Variants in SPATA2L observed in about 807,000 individuals in gnomAD.
SPATA2L encodes spermatogenesis associated 2 like, also known as spermatogenesis-associated protein 2-like protein.
A neutral mutation model predicts 8.7 loss-of-function variants in SPATA2L; 5 were observed. The ratio of observed to expected loss-of-function variants is 0.57; its 90% CI spans 0.30 to 1.21. SPATA2L has a LOEUF of 1.21. SPATA2L is among the 50% of genes most tolerant of loss of function. SPATA2L has a pLI of 0.07. For synonymous variants in SPATA2L, 358 were observed against 275.8 expected, an observed-to-expected ratio of 1.30 and a Z score of -2.95; for missense variants, 671 against 591.0, an observed-to-expected ratio of 1.14 and a Z score of -1.40.
Position 89,696,684 on chromosome 16 carries a change from C to T in SPATA2L, c.*650G>A, listed in dbSNP as rs2060728401. ...GCCCAGCAGCAGTGACGCTCAGGGC[C>T]TTCCCAGCTGTCAGCCACTGCCCGT... On this transcript the variant is annotated 3_prime_UTR_variant, in exon 3 of 3. Transcript: ENST00000289805. 8.2e-7 allele frequency: 1 copy of T among 1,212,706 alleles called. No homozygotes were observed. The highest frequency in any genetic ancestry group is 1.1e-6 in the Non-Finnish European group (1 of 876,186). The allele number at this position is 1,212,706 out of a possible 1,614,324, so 75.1% of individuals were successfully genotyped here.
chr16:89,697,825 G>C lies in SPATA2L; in HGVS notation c.784C>G (p.Pro262Ala). 1 of 1,605,624 alleles carries C rather than the reference G, an allele frequency of 6.2e-7. No individual in the cohort carries two copies. The highest frequency in any genetic ancestry group is 8.5e-7 in the Non-Finnish European group (1 of 1,177,156). ...SPPAELAYRP[P>A]LWEQSAKLWG... Reference sequence around the variant, plus strand: ...AGTTTGGCACTCTGCTCCCAGAGTGGTGGCCTGTAGGCCAGCTCCGCCGGG... The same window carrying C: ...AGTTTGGCACTCTGCTCCCAGAGTGCTGGCCTGTAGGCCAGCTCCGCCGGG... The change falls in exon 3 of 3, where the codon CCA becomes GCA. Residue 262 changes from proline (P) to alanine (A), a missense_variant. Physicochemically the swap from Pro to Ala is conservative, Grantham distance 27 (BLOSUM62 -1). Transcript: ENST00000289805.
At position 89,696,670 on chromosome 16, in the gene SPATA2L, G is replaced by GTGACGC; in HGVS notation, c.*658_*663dup. ...CCACAGGCCCTTCCGCCCAGCAGCA[G>GTGACGC]TGACGCTCAGGGCCTTCCCAGCTGT... On this transcript the variant is annotated 3_prime_UTR_variant, in exon 3 of 3. Transcript: ENST00000289805. The GTGACGC allele has an allele frequency of 9.2e-7, 1 of 1,081,166 alleles. No homozygotes were observed. The highest frequency in any genetic ancestry group is 1.3e-6 in the Non-Finnish European group (1 of 764,448). The allele number at this position is 1,081,166 out of a possible 1,614,324, so 67.0% of individuals were successfully genotyped here.
intron 2 of SPATA2L, 104 bp downstream of exon 2, chr16:89,700,826 C>G: frequency 7.9e-7 from 1 of 1,265,552 alleles, no homozygotes; most frequent in East Asian, 2.9e-5. Flanking sequence ...GCACTGAGGA[C>G]ACTTGAAGCC....
At position 89,697,430 on chromosome 16, in the gene SPATA2L, C is replaced by G; in HGVS notation, c.1179G>C (p.Ser393=). ...GGGCGTCGCCAAGCAGCACACGCAGCGAGTGGCCTGGACGGCAGGCGGGCA... is the reference window on the plus strand; with the variant it reads ...GGGCGTCGCCAAGCAGCACACGCAGGGAGTGGCCTGGACGGCAGGCGGGCA... ...AALPACRPGH[S]LRVLLGDAQR... The change falls in exon 3 of 3, where the codon TCG becomes TCC. Residue 393 remains serine (S), a synonymous_variant. Transcript: ENST00000289805. 3.1e-6 allele frequency: 5 copies of G among 1,605,616 alleles called. No homozygotes were observed. Among genetic ancestry groups the G allele is most frequent in the South Asian group, 1.1e-5 (1 of 90,584 alleles).
At position 89,697,048 on chromosome 16, in the gene SPATA2L, G is replaced by C. The variant is rs1231162818; in HGVS notation, c.*286C>G. The C allele has an allele frequency of 5.0e-6, 7 of 1,410,340 alleles. No individual in the cohort carries two copies. The highest frequency in any genetic ancestry group is 2.5e-5 in the East Asian group (1 of 39,402). The allele number at this position is 1,410,340 out of a possible 1,614,324, so 87.4% of individuals were successfully genotyped here. A position where few individuals can be genotyped will look rare whatever the true frequency, so the allele number is the denominator to read the frequency against. On this transcript the variant is annotated 3_prime_UTR_variant, in exon 3 of 3. Coordinates refer to ENST00000289805, the MANE Select transcript of SPATA2L (RefSeq NM_152339.4). ...CAGGGACAGGTTCAGGCACTGGCTGGAACAGGCTGGACCCCTCTACCCAGC... is the reference window on the plus strand; with the variant it reads ...CAGGGACAGGTTCAGGCACTGGCTGCAACAGGCTGGACCCCTCTACCCAGC...
rs1362823872 is a variant in SPATA2L, at chr16:89,697,440, G to A, written c.1169C>T (p.Pro390Leu). 12 of 1,606,730 alleles carry A rather than the reference G, an allele frequency of 7.5e-6. No homozygotes were observed. The highest frequency in any genetic ancestry group is 3.3e-5 in the South Asian group (3 of 90,732). ...AAGCAGCACACGCAGCGAGTGGCCT[G>A]GACGGCAGGCGGGCAGGGCTGCACA... Reference protein sequence around the residue: ...AHCAALPACRPGHSLRVLLGD... With the variant: ...AHCAALPACRLGHSLRVLLGD... Residue 390 changes from proline to leucine, a missense_variant, in exon 3 of 3, where the codon CCA becomes CTA. Transcript: ENST00000289805.
chr16:89,698,777 G>A (rs2060755739), intron 2 of SPATA2L, among the ~76,000 whole-genome samples: 1 of 150,660 alleles, frequency 6.6e-6, no homozygotes, highest in African/African-American at 2.4e-5. Context: ...GTGAGCCACT[G>A]TGCCCGGCCT....
Position 89,696,717 on chromosome 16 carries a change from C to A in SPATA2L, c.*617G>T. The A allele has an allele frequency of 2.1e-6, 3 of 1,417,284 alleles. No individual in the cohort carries two copies. In the Admixed American group the frequency reaches 6.1e-5, roughly 29 times the overall value. The allele number at this position is 1,417,284 out of a possible 1,614,324, so 87.8% of individuals were successfully genotyped here. ...CTGTCAGCCACTGCCCGTTCCTGCG[C>A]CTCTCGTGCACCTCCACATCTGGTT... On this transcript the variant is annotated 3_prime_UTR_variant, in exon 3 of 3. Transcript: ENST00000289805.
chr16:89,697,136 C>T lies in SPATA2L; in HGVS notation c.*198G>A. 7.3e-7 allele frequency: 1 copy of T among 1,377,304 alleles called. No homozygotes were observed. The highest frequency in any genetic ancestry group is 9.4e-7 in the Non-Finnish European group (1 of 1,067,846). The allele number at this position is 1,377,304 out of a possible 1,614,324, so 85.3% of individuals were successfully genotyped here. On this transcript the variant is annotated 3_prime_UTR_variant, in exon 3 of 3. Transcript: ENST00000289805. ...ATGTGGAAAGGCTCCTGCTGGCCGG[C>T]TTAGGCCTGCTGCCCTTGGAGCCTT...
chr16:89,700,870 G>T, intron 2 of SPATA2L, 60 bp downstream of exon 2: 2 of 1,392,486 alleles, frequency 1.4e-6, no homozygotes, highest in Non-Finnish European at 9.4e-7. Context: ...CCCCATGGTC[G>T]GCGGCCCCGC....
At position 89,697,614 on chromosome 16, in the gene SPATA2L, CTGGCCGCTGCAGAGCTTTCAGGGG is replaced by C. The variant is rs770688509; in HGVS notation, c.971_994del (p.Thr324_Ala331del). On this transcript the variant is annotated inframe_deletion, in exon 3 of 3. Transcript: ENST00000289805. ...CCCCTCTGCCCGAATACGCCTCGGG[CTGGCCGCTGCAGAGCTTTCAGGGG>C]TGGCCAGGTCCCCAGGCCTACTCAG... The C allele has an allele frequency of 1.2e-6, 2 of 1,604,644 alleles. No individual in the cohort carries two copies. Among genetic ancestry groups the C allele is most frequent in the Admixed American group, 3.3e-5 (2 of 59,928 alleles).
At position 89,696,533 on chromosome 16, in the gene SPATA2L, G is replaced by A. The variant is rs928316882; in HGVS notation, c.*801C>T. ...TGCCCTCTCCCTCGCCAGACCCGAG[G>A]GTAGGGCAGAGGCACCTCCTCGCCA... On this transcript the variant is annotated 3_prime_UTR_variant, in exon 3 of 3. Transcript: ENST00000289805. 4 of 441,676 alleles carry A rather than the reference G, an allele frequency of 9.1e-6. No individual in the cohort carries two copies. Among genetic ancestry groups the A allele is most frequent in the Non-Finnish European group, 1.6e-5 (4 of 246,896 alleles). The allele number at this position is 441,676 out of a possible 1,614,324, so 27.4% of individuals were successfully genotyped here. A position where few individuals can be genotyped will look rare whatever the true frequency, so the allele number is the denominator to read the frequency against.
chr16:89,701,615 G>A lies in SPATA2L; in HGVS notation c.-2+13C>T, dbSNP rs2060776229. The A allele has an allele frequency of 1.9e-5, 4 of 211,148 alleles. No individual in the cohort carries two copies. The highest frequency in any genetic ancestry group is 3.8e-5 in the Non-Finnish European group (4 of 106,588). 13.1% of individuals were successfully genotyped at this position (211,148 alleles called of 1,614,324 possible). On this transcript the variant is annotated intron_variant, in intron 1 of 2. Transcript: ENST00000289805. ...GCAGATGGAGCTGCGGATCCCGCGGGTGACGGCGCTACCTGTCTGTCCCCA... is the reference window on the plus strand; with the variant it reads ...GCAGATGGAGCTGCGGATCCCGCGGATGACGGCGCTACCTGTCTGTCCCCA...
chr16:89,696,705 C>A lies in SPATA2L; in HGVS notation c.*629G>T. Reference sequence around the variant, plus strand: ...GGGCCTTCCCAGCTGTCAGCCACTGCCCGTTCCTGCGCCTCTCGTGCACCT... The same window carrying A: ...GGGCCTTCCCAGCTGTCAGCCACTGACCGTTCCTGCGCCTCTCGTGCACCT... On this transcript the variant is annotated 3_prime_UTR_variant, in exon 3 of 3. Coordinates refer to ENST00000289805, the MANE Select transcript of SPATA2L (RefSeq NM_152339.4). The A allele has an allele frequency of 7.4e-7, 1 of 1,351,592 alleles. No individual in the cohort carries two copies. Among genetic ancestry groups the A allele is most frequent in the Non-Finnish European group, 1.0e-6 (1 of 994,088 alleles). 83.7% of individuals were successfully genotyped at this position (1,351,592 alleles called of 1,614,324 possible).
chr16:89,697,323 G>GCCCAGCTGGCCTAGGGCCGGGC lies in SPATA2L; in HGVS notation c.1264_*10dup. 1.3e-6 allele frequency: 2 copies of GCCCAGCTGGCCTAGGGCCGGGC among 1,496,536 alleles called. No homozygotes were observed. The highest frequency in any genetic ancestry group is 4.6e-5 in the East Asian group (2 of 43,310). 92.7% of individuals were successfully genotyped at this position (1,496,536 alleles called of 1,614,324 possible). On this transcript the variant is annotated 3_prime_UTR_variant, in exon 3 of 3. Transcript: ENST00000289805. Reference sequence around the variant, plus strand: ...GTCTCCCAAGAGCCCTTGACCTGGGGCCCAGCTGGCCTAGGGCCGGGCCCC... The same window carrying GCCCAGCTGGCCTAGGGCCGGGC: ...GTCTCCCAAGAGCCCTTGACCTGGGGCCCAGCTGGCCTAGGGCCGGGCCCCAGCTGGCCTAGGGCCGGGCCCC...
chr16:89,697,839 A>C lies in SPATA2L; in HGVS notation c.770T>G (p.Leu257Arg). 1 of 1,608,434 alleles carries C rather than the reference A, an allele frequency of 6.2e-7. No homozygotes were observed. Among genetic ancestry groups the C allele is most frequent in the Non-Finnish European group, 8.5e-7 (1 of 1,178,426 alleles). Residue 257 changes from leucine (L) to arginine (R), a missense_variant, in exon 3 of 3, where the codon CTG (leucine) becomes CGG (arginine). Physicochemically the swap from Leu to Arg is moderately radical, Grantham distance 102 (BLOSUM62 -2). Transcript: ENST00000289805. ...SPGPDSPPAELAYRPPLWEQS... is the reference protein window; with the variant it reads ...SPGPDSPPAERAYRPPLWEQS... ...CTCCCAGAGTGGTGGCCTGTAGGCC[A>C]GCTCCGCCGGGGGCGAGTCAGGGCC... is the stretch of plus-strand genomic sequence containing the variant.
At position 89,698,676 on chromosome 16, in the gene SPATA2L, AG is replaced by A. The variant is rs574964173; in HGVS notation, c.304-372del. 1.7e-3 allele frequency among the ~76,000 whole-genome samples: 255 copies of A among 151,266 alleles called. 3 individuals are homozygous for A. Among genetic ancestry groups the A allele is most frequent in the African/African-American group, 5.8e-3 (240 of 41,234 alleles). On this transcript the variant is annotated intron_variant, in intron 2 of 2. Coordinates refer to ENST00000289805, the MANE Select transcript of SPATA2L (RefSeq NM_152339.4). Reference sequence around the variant, plus strand: ...TAATTTTCATATTTTTAGTAGAGACAGGGTTTCACCATGTTGGCCATGCTGG... The same window carrying A: ...TAATTTTCATATTTTTAGTAGAGACAGGTTTCACCATGTTGGCCATGCTGG...
chr16:89,700,980 C>A lies in SPATA2L; in HGVS notation c.253G>T (p.Ala85Ser). Residue 85 changes from alanine (A) to serine (S), a missense_variant, in exon 2 of 3, where the codon GCG becomes TCG. Transcript: ENST00000289805. ...CAGGGCAGCAGGTACAGGTGCACCGCGGCGAGCTCCAGAAGCTCGAAGGCG... is the reference window on the plus strand; with the variant it reads ...CAGGGCAGCAGGTACAGGTGCACCGAGGCGAGCTCCAGAAGCTCGAAGGCG... The part of the protein sequence containing the change: ...ARAFELLELA[A>S]VHLYLLPWRK... 6.4e-7 allele frequency: 1 copy of A among 1,555,630 alleles called. No individual in the cohort carries two copies. The highest frequency in any genetic ancestry group is 1.8e-4 in the Middle Eastern group (1 of 5,654).
At chr16:89,698,620 G>A (rs1362784966) in intron 2 of SPATA2L, among the ~76,000 whole-genome samples, 1 of 150,844 alleles carries the variant, frequency 6.6e-6, no homozygotes, top group Non-Finnish European at 1.5e-5. Flanking sequence ...CCGGGTAGCT[G>A]GGACTACAGG....
Sources: gnomAD v4.1 joint callset for allele counts (sites outside exome capture counted in the v4.1 genomes callset) on GRCh38, gnomAD v4.1.1 for gene constraint, MANE v1.5 for transcripts, NCBI Gene and HGNC (gene_info 2026-07-23, HGNC 2026-07-21) for gene names.